UBASH3B: variants seen among roughly 807,000 people sequenced by gnomAD.
UBASH3B encodes ubiquitin associated and SH3 domain containing B.
Under a neutral mutation model 83.4 loss-of-function variants are expected in UBASH3B, and 37 were observed. The ratio of observed to expected loss-of-function variants is 0.44; its 90% CI spans 0.34 to 0.58. The LOEUF (loss-of-function observed/expected upper bound fraction) is 0.58, where lower values mean the gene tolerates loss of function less well. Ranked by LOEUF, UBASH3B falls within the 20% of genes least tolerant of loss-of-function variation. UBASH3B has a pLI of 0.01. For missense variants in UBASH3B, 657 were observed against 827.2 expected (o/e 0.79, Z 2.52); for synonymous variants, 304 against 318.3 (o/e 0.96, Z 0.48).
In UBASH3B at chr11:122,778,020, A is replaced by G. The variant is rs144529763; in HGVS notation, c.402+810A>G. On this transcript the variant is annotated intron_variant, in intron 3 of 13. Transcript: ENST00000284273. ...GCTGGGATTATAGGCATGAGCCACC[A>G]TGCCTGGCCTCTACTGACCAAATAT... is the stretch of plus-strand genomic sequence containing the variant. Among the ~76,000 whole-genome samples the G allele has an allele frequency of 1.5e-3, 224 of 152,170 alleles. 1 individual carries two copies. The highest frequency in any genetic ancestry group is 4.7e-3 in the African/African-American group (195 of 41,506).
At chr11:122,743,552 C>A (rs1441005504) in intron 1 of UBASH3B, among the ~76,000 whole-genome samples, 3 of 152,170 alleles carry the variant, frequency 2.0e-5, no homozygotes, top group Admixed American at 6.5e-5. Flanking sequence ...TAATCTCTTG[C>A]CTTCAGCTTC....
At chr11:122,780,420 G>C (rs1243628712) in intron 4 of UBASH3B, among the ~76,000 whole-genome samples, 1 of 152,290 alleles carries the variant, frequency 6.6e-6, no homozygotes, top group East Asian at 1.9e-4. Flanking sequence ...TACAGGTGTG[G>C]ACAAGCTCAC....
intron 1 of UBASH3B, among the ~76,000 whole-genome samples, chr11:122,756,045 GA>G (rs1287312856): frequency 6.6e-6 from 1 of 151,394 alleles, no homozygotes; most frequent in Non-Finnish European, 1.5e-5. Flanking sequence ...AATTAGGACG[GA>G]AGGAATCCAT....
intron 1 of UBASH3B, chr11:122,775,615 T>TA (rs899440952): frequency 6.6e-6 from 1 of 151,966 alleles, no homozygotes; most frequent in Admixed American, 6.6e-5. Flanking sequence ...TCTACAAAAA[T>TA]AAAAAATTAG....
At chr11:122,666,766 T>G (rs188901983) in intron 1 of UBASH3B, among the ~76,000 whole-genome samples, 1 of 152,162 alleles carries the variant, frequency 6.6e-6, no homozygotes, top group East Asian at 1.9e-4. Context: ...ATTGCTCATT[T>G]TTTTCCCCTC....
chr11:122,765,027 G>T (rs922735444), intron 1 of UBASH3B, among the ~76,000 whole-genome samples: 7 of 151,330 alleles, frequency 4.6e-5, no homozygotes, highest in African/African-American at 1.7e-4. Context: ...AAAAAAAAAT[G>T]TAGGGGGAAG....
chr11:122,674,379 C>CT (rs35529594), intron 1 of UBASH3B, among the ~76,000 whole-genome samples: 4,019 of 133,144 alleles, frequency 0.03, 87 homozygotes, highest in Non-Finnish European at 0.041. Context: ...CATTGTCTGT[C>CT]TTTTTTTTTT....
At chr11:122,772,697 G>A (rs149998758) in intron 1 of UBASH3B, among the ~76,000 whole-genome samples, 6 of 152,284 alleles carry the variant, frequency 3.9e-5, no homozygotes, top group African/African-American at 1.2e-4. Flanking sequence ...GAATCCCGCC[G>A]GAGCACTGCA....
At chr11:122,679,642 T>C (rs146596106) in intron 1 of UBASH3B, among the ~76,000 whole-genome samples, 30 of 152,316 alleles carry the variant, frequency 2.0e-4, no homozygotes, top group Admixed American at 9.8e-4. Context: ...ATTTCAGGCT[T>C]GGCCGACCAT....
At chr11:122,728,133 C>T (rs936870591) in intron 1 of UBASH3B, among the ~76,000 whole-genome samples, 53 of 152,156 alleles carry the variant, frequency 3.5e-4, no homozygotes, top group Non-Finnish European at 1.0e-4. Flanking sequence ...CTACCACACC[C>T]GGCCTTAGCC....
At chr11:122,744,908 C>CAA (rs57081785) in intron 1 of UBASH3B, among the ~76,000 whole-genome samples, 19 of 135,882 alleles carry the variant, frequency 1.4e-4, no homozygotes, top group East Asian at 6.4e-4. Context: ...TGCGCGCGCG[C>CAA]GCGCACTTGG....
At chr11:122,717,945 C>G (rs1426565759) in intron 1 of UBASH3B, among the ~76,000 whole-genome samples, 1 of 134,942 alleles carries the variant, frequency 7.4e-6, no homozygotes, top group Non-Finnish European at 1.5e-5. Flanking sequence ...CACTCTGTCA[C>G]CAGTCTCACT....
intron 1 of UBASH3B, among the ~76,000 whole-genome samples, chr11:122,705,454 T>TAAAAAAA (rs60998227): frequency 2.0e-4 from 12 of 59,520 alleles, no homozygotes; most frequent in East Asian, 3.6e-4. Flanking sequence ...TCGAAAAACA[T>TAAAAAAA]AAAAAAAAAA....
chr11:122,716,538 T>C (rs912583662), intron 1 of UBASH3B, among the ~76,000 whole-genome samples: 2 of 152,158 alleles, frequency 1.3e-5, no homozygotes, highest in Non-Finnish European at 2.9e-5. Flanking sequence ...TAATATCCCT[T>C]GTGTGGCCTC....
intron 1 of UBASH3B, among the ~76,000 whole-genome samples, chr11:122,724,826 G>T (rs1223304584): frequency 6.6e-6 from 1 of 152,040 alleles, no homozygotes; most frequent in African/African-American, 2.4e-5. Flanking sequence ...TCCAGTGAGC[G>T]GCATCCTAAG....
In UBASH3B at chr11:122,762,402, C is replaced by T. The variant is rs114218583; in HGVS notation, c.162-13817C>T. On this transcript the variant is annotated intron_variant, in intron 1 of 13. Coordinates refer to ENST00000284273, the MANE Select transcript of UBASH3B (RefSeq NM_032873.5). ...GAGGATCTGCGAGGAAGAAGGCAGC[C>T]CTGGCCAGCCTCTCCCCAGAGCCTG... 5.0e-3 allele frequency among the ~76,000 whole-genome samples: 769 copies of T among 152,304 alleles called. 7 individuals carry two copies. Among genetic ancestry groups the T allele is most frequent in the African/African-American group, 0.017 (714 of 41,562 alleles).
chr11:122,774,026 G>A (rs1351975962), intron 1 of UBASH3B: 1 of 984,848 alleles, frequency 1.0e-6, no homozygotes, highest in African/African-American at 1.8e-5. Context: ...GTCATGATTT[G>A]TGTTGTTTTG....
At chr11:122,676,268 G>A (rs1371923884) in intron 1 of UBASH3B, among the ~76,000 whole-genome samples, 1 of 152,076 alleles carries the variant, frequency 6.6e-6, no homozygotes, top group African/African-American at 2.4e-5. Context: ...GGCTGGGCAG[G>A]ATGACTCACA....
chr11:122,725,663 C>G (rs1305706065), intron 1 of UBASH3B, among the ~76,000 whole-genome samples: 1 of 152,066 alleles, frequency 6.6e-6, no homozygotes, highest in East Asian at 1.9e-4. Flanking sequence ...AAAAGTGGGG[C>G]TCCATTGCTT....
Sources: gnomAD v4.1 joint callset for allele counts (sites outside exome capture counted in the v4.1 genomes callset) on GRCh38, gnomAD v4.1.1 for gene constraint, MANE v1.5 for transcripts, NCBI Gene and HGNC (gene_info 2026-07-23, HGNC 2026-07-21) for gene names.